CCDC102B: variants seen among roughly 807,000 people sequenced by gnomAD.
CCDC102B encodes coiled-coil domain containing 102B.
CCDC102B carries 75 observed loss-of-function variants against 57.4 expected under a neutral mutation model. The ratio of observed to expected loss-of-function variants is 1.31; its 90% CI spans 1.08 to 1.58. The LOEUF (loss-of-function observed/expected upper bound fraction) is 1.58. CCDC102B is among the 40% of genes most tolerant of loss of function. CCDC102B has a pLI of 0.00. For missense variants in CCDC102B, 636 were observed against 582.6 expected, an observed-to-expected ratio of 1.09 and a Z score of -0.94; for synonymous variants, 206 against 201.9, an observed-to-expected ratio of 1.02 and a Z score of -0.17.
chr18:68,956,668 G>A (rs1170701182), intron 6 of CCDC102B, among the ~76,000 whole-genome samples: 1 of 136,500 alleles, frequency 7.3e-6, no homozygotes, highest in Non-Finnish European at 1.5e-5. Flanking sequence ...TGGATCATAC[G>A]GTAGTTGTAT....
intron 7 of CCDC102B, among the ~76,000 whole-genome samples, chr18:69,044,251 C>G (rs976120171): frequency 6.6e-6 from 1 of 152,072 alleles, no homozygotes; most frequent in African/African-American, 2.4e-5. Context: ...GCTAATGAGC[C>G]ATGATTCTAC....
At chr18:68,865,719 T>A (rs541385563) in intron 4 of CCDC102B, among the ~76,000 whole-genome samples, 282 of 152,324 alleles carry the variant, frequency 1.9e-3, no homozygotes, top group Non-Finnish European at 3.2e-3. Context: ...GAGAGATATG[T>A]TGAAATACTG....
intron 4 of CCDC102B, among the ~76,000 whole-genome samples, chr18:68,863,392 A>C (rs1233409582): frequency 1.3e-5 from 2 of 151,878 alleles, no homozygotes; most frequent in African/African-American, 2.4e-5. Context: ...TTTTCATAGA[A>C]ATGTGTCAGT....
chr18:68,832,693 T>C (rs888462482), intron 1 of CCDC102B, among the ~76,000 whole-genome samples: 4 of 152,082 alleles, frequency 2.6e-5, no homozygotes, highest in Non-Finnish European at 4.4e-5. Flanking sequence ...CTAAGGGATC[T>C]AGAATTCTCA....
intron 6 of CCDC102B, among the ~76,000 whole-genome samples, chr18:68,998,984 A>G (rs1306007037): frequency 1.4e-5 from 1 of 72,994 alleles, no homozygotes; most frequent in Non-Finnish European, 2.9e-5. Flanking sequence ...ATATATATAT[A>G]TATATATATA....
chr18:69,012,315 T>G (rs1270377976), intron 7 of CCDC102B, among the ~76,000 whole-genome samples: 1 of 152,162 alleles, frequency 6.6e-6, no homozygotes, highest in Non-Finnish European at 1.5e-5. Flanking sequence ...TCTTTATTTT[T>G]GTCAATATCG....
intron 1 of CCDC102B, among the ~76,000 whole-genome samples, chr18:68,833,389 T>G (rs1425186512): frequency 2.6e-5 from 4 of 151,630 alleles, no homozygotes; most frequent in African/African-American, 7.3e-5. Context: ...TCCTGTTTTT[T>G]TTTTTTTTTT....
At chr18:68,774,376 A>G (rs1008185222) in intron 2 of CCDC102B, among the ~76,000 whole-genome samples, 2 of 151,952 alleles carry the variant, frequency 1.3e-5, no homozygotes, top group African/African-American at 2.4e-5. Flanking sequence ...CAAAATCAGG[A>G]CCAGGGTTTC....
intron 2 of CCDC102B, among the ~76,000 whole-genome samples, chr18:68,731,143 C>A (rs2032843058): frequency 6.6e-6 from 1 of 151,964 alleles, no homozygotes; most frequent in African/African-American, 2.4e-5. Context: ...TGCGCCACCA[C>A]CCCGGCTAAT....
intron 2 of CCDC102B, among the ~76,000 whole-genome samples, chr18:68,744,572 A>G (rs2033537841): frequency 6.6e-6 from 1 of 152,112 alleles, no homozygotes; most frequent in Admixed American, 6.6e-5. Context: ...AAGAAGTCCA[A>G]CCACCTGGTG....
At chr18:68,726,368 G>T (rs530115681) in intron 2 of CCDC102B, among the ~76,000 whole-genome samples, 4 of 152,250 alleles carry the variant, frequency 2.6e-5, no homozygotes, top group African/African-American at 9.6e-5. Context: ...AAAAATTACC[G>T]CCTTAATTAA....
intron 1 of CCDC102B, among the ~76,000 whole-genome samples, chr18:68,808,570 T>TG (rs1170255483): frequency 2.0e-5 from 3 of 147,840 alleles, no homozygotes; most frequent in Non-Finnish European, 4.5e-5. Context: ...CTCTGCCTCC[T>TG]GGGTTCACGC....
intron 6 of CCDC102B, among the ~76,000 whole-genome samples, chr18:69,002,630 T>C (rs2051234744): frequency 6.6e-6 from 1 of 152,206 alleles, no homozygotes. Flanking sequence ...TTTTTCCTGT[T>C]AATCACAGAT....
intron 2 of CCDC102B, among the ~76,000 whole-genome samples, chr18:68,723,273 A>G (rs1599370475): frequency 6.6e-6 from 1 of 152,154 alleles, no homozygotes; most frequent in East Asian, 1.9e-4. Flanking sequence ...ATTCAAGATG[A>G]GATTTGGGTG....
chr18:68,989,559 C>G (rs937683551), intron 6 of CCDC102B, among the ~76,000 whole-genome samples: 2 of 152,196 alleles, frequency 1.3e-5, no homozygotes, highest in Non-Finnish European at 2.9e-5. Context: ...TATGCCAGTG[C>G]TTAGGAAATC....
intron 2 of CCDC102B, among the ~76,000 whole-genome samples, chr18:68,778,950 G>C (rs571137180): frequency 6.6e-6 from 1 of 151,142 alleles, no homozygotes; most frequent in Admixed American, 6.6e-5. Context: ...AAGGTAAATA[G>C]GGTGGGTATA....
chr18:68,769,710 A>T (rs1029827421), intron 2 of CCDC102B, among the ~76,000 whole-genome samples: 1 of 152,196 alleles, frequency 6.6e-6, no homozygotes, highest in Non-Finnish European at 1.5e-5. Flanking sequence ...TACCAAAAAA[A>T]AAAGCAAGAT....
chr18:68,831,817 G>A (rs1370607465), intron 1 of CCDC102B, among the ~76,000 whole-genome samples: 6 of 151,908 alleles, frequency 3.9e-5, no homozygotes, highest in Non-Finnish European at 8.8e-5. Flanking sequence ...AATAGTCTGT[G>A]TACTCTTGCA....
chr18:68,862,043 T>C (rs943375638), intron 4 of CCDC102B, among the ~76,000 whole-genome samples: 5 of 152,208 alleles, frequency 3.3e-5, no homozygotes, highest in African/African-American at 1.2e-4. Context: ...AATGTGTATG[T>C]TATAGATTGA....
Sources: allele counts gnomAD v4.1 joint callset (sites outside exome capture counted in the v4.1 genomes callset), GRCh38; gene constraint gnomAD v4.1.1; transcripts MANE v1.5; gene names NCBI Gene and HGNC (gene_info 2026-07-23, HGNC 2026-07-21).